Variants in ADGRL3 observed in about 807,000 individuals in gnomAD.
ADGRL3 encodes calcium-independent alpha-latrotoxin receptor 3.
ADGRL3 carries 62 observed loss-of-function variants against 153.5 expected under a neutral mutation model. The ratio of observed to expected loss-of-function variants is 0.40; its 90% CI spans 0.33 to 0.50. ADGRL3 has a LOEUF of 0.50. Ranked by LOEUF, ADGRL3 falls within the 20% of genes least tolerant of loss-of-function variation. ADGRL3 has a pLI of 0.47. For synonymous variants in ADGRL3, 710 were observed against 672.5 expected, an observed-to-expected ratio of 1.06 and a Z score of -0.86; for missense variants, 1,641 against 1,859.4, an observed-to-expected ratio of 0.88 and a Z score of 2.16.
chr4:61,242,111 G>C (rs749295515), intron 1 of ADGRL3, among the ~76,000 whole-genome samples: 4 of 151,972 alleles, frequency 2.6e-5, no homozygotes, highest in Non-Finnish European at 5.9e-5. Context: ...TATTCATGCA[G>C]ACTATTGTTT....
At chr4:62,010,227 AC>A (rs1313789425) in intron 21 of ADGRL3, among the ~76,000 whole-genome samples, 6 of 151,870 alleles carry the variant, frequency 4.0e-5, no homozygotes, top group Non-Finnish European at 7.4e-5. Flanking sequence ...TGAACATTCT[AC>A]CCTTTTAATG....
At chr4:61,315,080 A>G (rs901109580) in intron 1 of ADGRL3, among the ~76,000 whole-genome samples, 2 of 152,230 alleles carry the variant, frequency 1.3e-5, no homozygotes, top group African/African-American at 2.4e-5. Flanking sequence ...AGGAAGGGAC[A>G]TGTAAGCTGA....
chr4:61,932,699 G>A (rs1290865677), intron 13 of ADGRL3, among the ~76,000 whole-genome samples: 1 of 152,116 alleles, frequency 6.6e-6, no homozygotes, highest in Non-Finnish European at 1.5e-5. Context: ...GTGTTTGGAA[G>A]TGTCCCCTCC....
At chr4:61,841,164 C>G (rs561276286) in intron 9 of ADGRL3, among the ~76,000 whole-genome samples, 1 of 152,300 alleles carries the variant, frequency 6.6e-6, no homozygotes, top group East Asian at 1.9e-4. Flanking sequence ...ACCCTCTCCT[C>G]TCTTTCATAT....
At chr4:61,904,115 AC>A (rs556135489) in intron 11 of ADGRL3, among the ~76,000 whole-genome samples, 249 of 150,616 alleles carry the variant, frequency 1.7e-3, no homozygotes, top group African/African-American at 5.7e-3. Flanking sequence ...TTTCCTTCCA[AC>A]ATTTTTGTTG....
At chr4:61,582,955 T>C (rs2098932012) in intron 4 of ADGRL3, among the ~76,000 whole-genome samples, 1 of 152,104 alleles carries the variant, frequency 6.6e-6, no homozygotes, top group African/African-American at 2.4e-5. Flanking sequence ...TTTTAGCCTA[T>C]ATTCTACTCC....
At chr4:61,756,395 T>G (rs939489836) in intron 8 of ADGRL3, among the ~76,000 whole-genome samples, 1 of 152,140 alleles carries the variant, frequency 6.6e-6, no homozygotes, top group Non-Finnish European at 1.5e-5. Flanking sequence ...TGAATGGGAG[T>G]TCACTCACGA....
intron 8 of ADGRL3, among the ~76,000 whole-genome samples, chr4:61,756,818 T>C (rs1210792440): frequency 3.9e-5 from 6 of 152,166 alleles, no homozygotes; most frequent in South Asian, 2.1e-4. Context: ...TATTGAGAGT[T>C]TTTAGCATGA....
rs558233686 is a variant in ADGRL3, at chr4:61,969,050, T to G, written c.2806-10513T>G. On this transcript the variant is annotated intron_variant, in intron 17 of 26. Transcript: ENST00000683033. ...TATCATTTGATATATTGTAGCACCA[T>G]GATCATTAATAAGACCTGACAAAAT... 5.9e-5 allele frequency among the ~76,000 whole-genome samples: 9 copies of G among 152,200 alleles called. 1 individual carries two copies. The South Asian group carries it at 1.9e-3, about 32-fold the overall frequency.
At chr4:62,064,002 T>G in intron 25 of ADGRL3, among the ~76,000 whole-genome samples, 1 of 152,116 alleles carries the variant, frequency 6.6e-6, no homozygotes, top group East Asian at 1.9e-4. Flanking sequence ...GAAGACTTGA[T>G]TCAATAGTCT....
At chr4:62,015,681 C>A (rs17292170) in intron 21 of ADGRL3, among the ~76,000 whole-genome samples, 34,616 of 152,010 alleles carry the variant, frequency 0.23, 4,274 homozygotes, top group South Asian at 0.42. Flanking sequence ...TTAATTTTCA[C>A]AGGGACATTT....
At chr4:61,220,547 A>G (rs996562952) in intron 1 of ADGRL3, among the ~76,000 whole-genome samples, 13 of 152,242 alleles carry the variant, frequency 8.5e-5, no homozygotes, top group Non-Finnish European at 1.5e-5. Context: ...TTTAGTCATT[A>G]TAAGATTCAG....
intron 9 of ADGRL3, among the ~76,000 whole-genome samples, chr4:61,872,409 T>C (rs62743760): frequency 1.3e-4 from 1 of 7,432 alleles, no homozygotes; most frequent in South Asian, 8.6e-3. Flanking sequence ...CCTTCTTTCC[T>C]TTTTTTTTTT....
intron 5 of ADGRL3, among the ~76,000 whole-genome samples, chr4:61,668,328 G>T (rs1175163642): frequency 6.6e-6 from 1 of 152,190 alleles, no homozygotes; most frequent in Non-Finnish European, 1.5e-5. Context: ...GCTTCCTTAT[G>T]AAACAAACCA....
chr4:61,550,405 C>A (rs1429539546), intron 4 of ADGRL3, among the ~76,000 whole-genome samples: 1 of 151,912 alleles, frequency 6.6e-6, no homozygotes, highest in Non-Finnish European at 1.5e-5. Context: ...TTAAGAAAGA[C>A]AATTTTGAAC....
chr4:61,257,182 G>C (rs1427413068), intron 1 of ADGRL3, among the ~76,000 whole-genome samples: 1 of 152,008 alleles, frequency 6.6e-6, no homozygotes, highest in Non-Finnish European at 1.5e-5. Flanking sequence ...ATCAAAATGT[G>C]GTATTTCTAT....
chr4:61,221,080 T>G (rs1316904841), intron 1 of ADGRL3, among the ~76,000 whole-genome samples: 1 of 152,190 alleles, frequency 6.6e-6, no homozygotes, highest in Non-Finnish European at 1.5e-5. Context: ...GTGTCACTAT[T>G]GCAAAGAATT....
chr4:61,931,052 G>A (rs1359189262), intron 13 of ADGRL3, among the ~76,000 whole-genome samples: 1 of 152,120 alleles, frequency 6.6e-6, no homozygotes, highest in East Asian at 1.9e-4. Flanking sequence ...GGACATGTCA[G>A]CAAGCTTCAG....
At chr4:61,867,557 G>A (rs2098410364) in intron 9 of ADGRL3, among the ~76,000 whole-genome samples, 1 of 89,858 alleles carries the variant, frequency 1.1e-5, no homozygotes, top group African/African-American at 3.6e-5. Flanking sequence ...GGAGAGAAAA[G>A]ATTTCTTACC....
Sources: gnomAD v4.1 joint callset for allele counts (sites outside exome capture counted in the v4.1 genomes callset) on GRCh38, gnomAD v4.1.1 for gene constraint, MANE v1.5 for transcripts, NCBI Gene and HGNC (gene_info 2026-07-23, HGNC 2026-07-21) for gene names.